The following VTI1A variants were observed in gnomAD, a reference collection of about 807,000 sequenced individuals.
VTI1A encodes vesicle transport through interaction with t-SNAREs homolog 1A.
Under a neutral mutation model 34.9 loss-of-function variants are expected in VTI1A, and 22 were observed. The ratio of observed to expected loss-of-function variants is 0.63; its 90% CI spans 0.45 to 0.90. The LOEUF (loss-of-function observed/expected upper bound fraction) is 0.90. Ranked by LOEUF, VTI1A falls within the 40% of genes least tolerant of loss-of-function variation. The pLI is 0.00. For synonymous variants in VTI1A, 87 were observed against 97.3 expected (o/e 0.89, Z 0.62); for missense variants, 268 against 275.6 (o/e 0.97, Z 0.20).
At chr10:112,809,698 G>A (rs368414556) in intron 7 of VTI1A, among the ~76,000 whole-genome samples, 17 of 152,336 alleles carry the variant, frequency 1.1e-4, no homozygotes, top group Admixed American at 3.3e-4. Flanking sequence ...CCCTGAGCAC[G>A]TGTAGGTAGA....
chr10:112,591,518 T>TCACACACG (rs1554913903), intron 5 of VTI1A, among the ~76,000 whole-genome samples: 3 of 150,826 alleles, frequency 2.0e-5, no homozygotes, highest in Admixed American at 6.6e-5. Flanking sequence ...AGACTCCGTC[T>TCACACACG]CACACACACA....
At chr10:112,665,581 G>C (rs1847613876) in intron 5 of VTI1A, among the ~76,000 whole-genome samples, 1 of 152,090 alleles carries the variant, frequency 6.6e-6, no homozygotes, top group African/African-American at 2.4e-5. Flanking sequence ...GGAGATTGTG[G>C]GAGTGGTTTA....
At chr10:112,833,464 A>G in the VTI1A span, among the ~76,000 whole-genome samples, 1 of 151,624 alleles carries the variant, frequency 6.6e-6, no homozygotes, top group Non-Finnish European at 1.5e-5. Context: ...GGGTGTGAAG[A>G]CTCCTAAGTT....
chr10:112,571,295 CT>C (rs1267029726), intron 5 of VTI1A, among the ~76,000 whole-genome samples: 1 of 152,144 alleles, frequency 6.6e-6, no homozygotes, highest in East Asian at 1.9e-4. Context: ...CTAGTAATAT[CT>C]CATGTATCCA....
intron 5 of VTI1A, among the ~76,000 whole-genome samples, chr10:112,557,284 G>A (rs1296554470): frequency 1.3e-5 from 2 of 152,034 alleles, no homozygotes; most frequent in Non-Finnish European, 2.9e-5. Flanking sequence ...AATGCCATTA[G>A]GATCATAACT....
At chr10:112,808,661 C>T (rs1306684763) in intron 7 of VTI1A, among the ~76,000 whole-genome samples, 1 of 151,972 alleles carries the variant, frequency 6.6e-6, no homozygotes, top group Non-Finnish European at 1.5e-5. Flanking sequence ...GAGAGAATCC[C>T]CAACCATACT....
At chr10:112,726,645 A>G (rs1229356525) in intron 7 of VTI1A, among the ~76,000 whole-genome samples, 2 of 152,178 alleles carry the variant, frequency 1.3e-5, no homozygotes, top group African/African-American at 4.8e-5. Context: ...GAGGCCACAT[A>G]CCTATTTGTA....
intron 7 of VTI1A, among the ~76,000 whole-genome samples, chr10:112,728,166 G>A (rs12265047): frequency 0.87 from 132,847 of 152,192 alleles, 59,172 homozygotes; most frequent in Non-Finnish European, 0.97. Flanking sequence ...AAAGAGACAG[G>A]TTTCCTTCTT....
chr10:112,688,521 C>CTTTTTTTTTT (rs59853999), intron 7 of VTI1A, among the ~76,000 whole-genome samples: 5 of 116,412 alleles, frequency 4.3e-5, no homozygotes, highest in Middle Eastern at 4.5e-3. Flanking sequence ...CAATTTTTTT[C>CTTTTTTTTTT]TTTTTTTTTT....
At chr10:112,625,274 G>A (rs534319540) in intron 5 of VTI1A, among the ~76,000 whole-genome samples, 2 of 152,302 alleles carry the variant, frequency 1.3e-5, no homozygotes, top group South Asian at 4.1e-4. Flanking sequence ...GAAGCATCAG[G>A]TATATGCAAA....
intron 5 of VTI1A, among the ~76,000 whole-genome samples, chr10:112,605,223 G>C (rs1386902905): frequency 6.6e-6 from 1 of 152,128 alleles, no homozygotes; most frequent in Non-Finnish European, 1.5e-5. Flanking sequence ...TCCTGGGGCA[G>C]AAAGAGGAAG....
chr10:112,745,104 T>C (rs1850847343), intron 7 of VTI1A, among the ~76,000 whole-genome samples: 1 of 152,206 alleles, frequency 6.6e-6, no homozygotes, highest in African/African-American at 2.4e-5. Flanking sequence ...ATGTAATACT[T>C]TTTTTCCCTA....
At chr10:112,517,926 GA>G (rs35594176) in intron 3 of VTI1A, among the ~76,000 whole-genome samples, 2 of 151,696 alleles carry the variant, frequency 1.3e-5, no homozygotes, top group African/African-American at 4.8e-5. Context: ...AAGGAAATCT[GA>G]AAAAAAGGAT....
At chr10:112,578,571 T>TTGAAC (rs1843800034) in intron 5 of VTI1A, among the ~76,000 whole-genome samples, 1 of 152,224 alleles carries the variant, frequency 6.6e-6, no homozygotes, top group Non-Finnish European at 1.5e-5. Context: ...TAAATCATTC[T>TTGAAC]TGAACTGATA....
chr10:112,495,509 G>A (rs1386744762), intron 3 of VTI1A, among the ~76,000 whole-genome samples: 1 of 151,990 alleles, frequency 6.6e-6, no homozygotes, highest in African/African-American at 2.4e-5. Context: ...GGGGCAAGTT[G>A]GTTTTATTTT....
chr10:112,508,591 T>G (rs1397377157), intron 3 of VTI1A, among the ~76,000 whole-genome samples: 1 of 152,210 alleles, frequency 6.6e-6, no homozygotes, highest in African/African-American at 2.4e-5. Context: ...CAAGTATGCA[T>G]TTTTATTTCC....
At chr10:112,846,157 C>T in the VTI1A span, among the ~76,000 whole-genome samples, 2 of 152,196 alleles carry the variant, frequency 1.3e-5, no homozygotes, top group Non-Finnish European at 2.9e-5. Context: ...CATCTTCCAT[C>T]CTGTTCACCA....
intron 4 of VTI1A, among the ~76,000 whole-genome samples, chr10:112,530,876 A>G (rs900693230): frequency 4.6e-5 from 7 of 152,156 alleles, no homozygotes. Flanking sequence ...TTACGTGCTG[A>G]GGGTTTATAG....
intron 5 of VTI1A, among the ~76,000 whole-genome samples, chr10:112,563,018 T>C (rs759364193): frequency 1.4e-4 from 21 of 152,018 alleles, no homozygotes; most frequent in Admixed American, 3.3e-4. Context: ...GTCATTAAAA[T>C]TGCACCCGCG....
Sources: gnomAD v4.1 joint callset for allele counts (sites outside exome capture counted in the v4.1 genomes callset) on GRCh38, gnomAD v4.1.1 for gene constraint, MANE v1.5 for transcripts, NCBI Gene and HGNC (gene_info 2026-07-23, HGNC 2026-07-21) for gene names.